The following ZNF730 variants were observed in gnomAD, a reference collection of about 807,000 sequenced individuals.
ZNF730 encodes putative zinc finger protein 730.
ZNF730 carries 12 observed loss-of-function variants against 12.6 expected under a neutral mutation model. That is an observed-to-expected ratio of 0.95 (90% CI 0.61 to 1.54). The LOEUF is 1.54. Ranked by LOEUF, ZNF730 falls within the 40% of genes most tolerant of loss-of-function variation. The pLI is 0.00. For synonymous variants in ZNF730, 194 were observed against 195.8 expected, an observed-to-expected ratio of 0.99 and a Z score of 0.08; for missense variants, 643 against 583.5, an observed-to-expected ratio of 1.10 and a Z score of -1.05.
chr19:23,108,831 C>T (rs1399568179), intron 1 of ZNF730, among the ~76,000 whole-genome samples: 2 of 151,510 alleles, frequency 1.3e-5, no homozygotes, highest in Non-Finnish European at 3.0e-5. Context: ...CTCACTGCAA[C>T]CTCTGCCTCC....
chr19:23,104,012 A>G (rs1333669770), intron 1 of ZNF730, among the ~76,000 whole-genome samples: 6 of 152,084 alleles, frequency 3.9e-5, no homozygotes, highest in African/African-American at 4.8e-5. Flanking sequence ...AATAAAGGAA[A>G]AAAGGACAGG....
intron 1 of ZNF730, among the ~76,000 whole-genome samples, chr19:23,109,431 C>T (rs934691325): frequency 1.3e-4 from 19 of 149,448 alleles, no homozygotes; most frequent in African/African-American, 4.7e-4. Context: ...TTTTTTGAGG[C>T]GGAGTCTCCA....
intron 3 of ZNF730, 85 bp from the exon 4 acceptor site, chr19:23,145,186 G>A (rs958515443): frequency 3.3e-6 from 3 of 922,362 alleles, no homozygotes; most frequent in Middle Eastern, 2.3e-4. Flanking sequence ...ATCTTGTTAT[G>A]TAGTTTGTAT....
chr19:23,104,459 TAG>T (rs1390323483), intron 1 of ZNF730, among the ~76,000 whole-genome samples: 3 of 152,202 alleles, frequency 2.0e-5, no homozygotes, highest in Non-Finnish European at 4.4e-5. Flanking sequence ...TTTAATTTTT[TAG>T]AGTCAAGGAA....
chr19:23,120,323 C>T (rs571542469), intron 1 of ZNF730, among the ~76,000 whole-genome samples: 2 of 152,188 alleles, frequency 1.3e-5, no homozygotes, highest in African/African-American at 4.8e-5. Flanking sequence ...GGTTGGTAGG[C>T]TGTTTACTAC....
chr19:23,089,127 C>T (rs1970115090), intron 1 of ZNF730, among the ~76,000 whole-genome samples: 1 of 152,042 alleles, frequency 6.6e-6, no homozygotes, highest in South Asian at 2.1e-4. Context: ...CTGGCTCGAC[C>T]TCCCAAGTGT....
At chr19:23,127,350 A>G in intron 1 of ZNF730, 1 of 705,446 alleles carries the variant, frequency 1.4e-6, no homozygotes, top group Admixed American at 2.1e-5. Context: ...GTCACATGAC[A>G]TAGGAACACT....
chr19:23,099,937 C>T (rs1970310026), intron 1 of ZNF730: 1 of 152,070 alleles, frequency 6.6e-6, no homozygotes, highest in Non-Finnish European at 1.5e-5. Context: ...ATCACTGGGC[C>T]TTGCACTCAG....
At chr19:23,120,168 T>C (rs1435082347) in intron 1 of ZNF730, among the ~76,000 whole-genome samples, 1 of 151,916 alleles carries the variant, frequency 6.6e-6, no homozygotes, top group Non-Finnish European at 1.5e-5. Flanking sequence ...CTAATTTTTG[T>C]ATTTGTAGTA....
chr19:23,142,032 A>G (rs1970929032), intron 3 of ZNF730, among the ~76,000 whole-genome samples: 1 of 152,184 alleles, frequency 6.6e-6, no homozygotes, highest in African/African-American at 2.4e-5. Flanking sequence ...TGAGAGATAT[A>G]TATACTCACA....
chr19:23,087,411 GA>G (rs1031226020), intron 1 of ZNF730, among the ~76,000 whole-genome samples: 9 of 150,740 alleles, frequency 6.0e-5, no homozygotes, highest in Non-Finnish European at 7.4e-5. Flanking sequence ...CCGTCTCAAA[GA>G]AAAAAAAGAA....
intron 3 of ZNF730, among the ~76,000 whole-genome samples, chr19:23,139,774 C>T (rs1275577549): frequency 6.6e-6 from 1 of 152,124 alleles, no homozygotes; most frequent in Non-Finnish European, 1.5e-5. Context: ...CTCCACACAC[C>T]TCAGCCTCCC....
chr19:23,114,123 C>T (rs1970486161), upstream of ZNF730, among the ~76,000 whole-genome samples: 4 of 152,174 alleles, frequency 2.6e-5, no homozygotes, highest in East Asian at 3.9e-4. Flanking sequence ...TCCTGTATTT[C>T]ACTTCTATTT....
chr19:23,114,928 G>T (rs1211954771), upstream of ZNF730, among the ~76,000 whole-genome samples: 1 of 152,014 alleles, frequency 6.6e-6, no homozygotes, highest in Non-Finnish European at 1.5e-5. Flanking sequence ...CGGACTACAG[G>T]CATGCAACAT....
intron 1 of ZNF730, among the ~76,000 whole-genome samples, chr19:23,085,640 A>G (rs1970048590): frequency 6.8e-6 from 1 of 146,192 alleles, no homozygotes. Flanking sequence ...CCTCTCTAGT[A>G]GATGGGATTA....
upstream of ZNF730, among the ~76,000 whole-genome samples, chr19:23,116,713 G>C (rs950298273): frequency 6.6e-6 from 1 of 151,782 alleles, no homozygotes; most frequent in Admixed American, 6.6e-5. Context: ...GAGCCACCGC[G>C]CCCGGTCTAT....
chr19:23,145,811 A>G lies in ZNF730; in HGVS notation c.767A>G (p.Tyr256Cys). 1.3e-6 allele frequency: 2 copies of G among 1,594,752 alleles called. No homozygotes were observed. Among genetic ancestry groups the G allele is most frequent in the Non-Finnish European group, 1.7e-6 (2 of 1,171,940 alleles). ...HKRIHTGEKP[Y>C]QCEKCGKFFN... ...AGAATTCATACTGGAGAAAAACCCTACCAATGTGAGAAATGTGGCAAATTT... is the reference window on the plus strand; with the variant it reads ...AGAATTCATACTGGAGAAAAACCCTGCCAATGTGAGAAATGTGGCAAATTT... Residue 256 changes from tyrosine to cysteine, a missense_variant, in exon 4 of 4, where the codon TAC (tyrosine) becomes TGC (cysteine). By Grantham distance (194) the Tyr-to-Cys change is radical. Transcript: ENST00000597761.
At chr19:23,116,933 TTAAACGTTATCCAATCGGGGACACTGGG>T (rs1970535878), upstream of ZNF730, 10 of 100,498 alleles carry the variant, frequency 1.0e-4, no homozygotes, top group Admixed American at 7.3e-4. Flanking sequence ...GGGCGGGGCC[TTAAACGTTATCCAATCGGGGACACTGGG>T]CGGGGGGCCG....
At position 23,117,052 on chromosome 19, in the gene ZNF730, T is replaced by C; in HGVS notation, c.-122T>C. 1.3e-6 allele frequency: 2 copies of C among 1,514,966 alleles called. No homozygotes were observed. Among genetic ancestry groups the C allele is most frequent in the Non-Finnish European group, 1.8e-6 (2 of 1,113,270 alleles). 93.8% of individuals were successfully genotyped at this position (1,514,966 alleles called of 1,614,324 possible). A position where few individuals can be genotyped will look rare whatever the true frequency, so the allele number is the denominator to read the frequency against. Reference sequence around the variant, plus strand: ...CTTTGTTTCTCGCTGCCGCCGAAGCTCCAATTTTCGTCTGTCTGCTTTGTG... The same window carrying C: ...CTTTGTTTCTCGCTGCCGCCGAAGCCCCAATTTTCGTCTGTCTGCTTTGTG... On this transcript the variant is annotated 5_prime_UTR_variant, in exon 1 of 4. Transcript: ENST00000597761.
Sources: allele counts gnomAD v4.1 joint callset (sites outside exome capture counted in the v4.1 genomes callset), GRCh38; gene constraint gnomAD v4.1.1; transcripts MANE v1.5; gene names NCBI Gene and HGNC (gene_info 2026-07-23, HGNC 2026-07-21).